The following COBL variants were observed in gnomAD, a reference collection of about 807,000 sequenced individuals.
COBL encodes cordon-bleu WH2 repeat protein.
In COBL, 51 loss-of-function variants were observed where a neutral mutation model predicts 98.8. That is an observed-to-expected ratio of 0.52 (90% CI 0.41 to 0.65). The LOEUF is 0.65. COBL is among the 30% of genes least tolerant of loss of function. COBL has a pLI of 0.00. For missense variants in COBL, 1,617 were observed against 1,617.5 expected (o/e 1.00, Z 0.01); for synonymous variants, 634 against 651.7 (o/e 0.97, Z 0.41).
At chr7:51,022,740 A>G (rs1787064407) in intron 12 of COBL, 1 of 152,216 alleles carries the variant, frequency 6.6e-6, no homozygotes, top group African/African-American at 2.4e-5. Flanking sequence ...GGTAAAAGAA[A>G]AAGATACAGA....
chr7:51,116,758 C>T (rs1474461158), intron 6 of COBL, among the ~76,000 whole-genome samples: 1 of 151,942 alleles, frequency 6.6e-6, no homozygotes, highest in African/African-American at 2.4e-5. Flanking sequence ...GGTCTAATGG[C>T]AATTCTTTAT....
At chr7:51,196,269 T>C (rs1469462767) in intron 2 of COBL, among the ~76,000 whole-genome samples, 1 of 152,212 alleles carries the variant, frequency 6.6e-6, no homozygotes, top group African/African-American at 2.4e-5. Flanking sequence ...GTGGTGTTTG[T>C]CTTTTGTTCT....
chr7:51,060,844 G>A (rs1283856680), intron 7 of COBL, among the ~76,000 whole-genome samples: 1 of 152,174 alleles, frequency 6.6e-6, no homozygotes, highest in Non-Finnish European at 1.5e-5. Context: ...GTCAACAGGC[G>A]AAGAAGGGGT....
intron 5 of COBL, among the ~76,000 whole-genome samples, chr7:51,182,715 G>A (rs2129051348): frequency 6.6e-6 from 1 of 152,192 alleles, no homozygotes; most frequent in East Asian, 1.9e-4. Flanking sequence ...AAAATGTCAG[G>A]GAGCCAAAGG....
At chr7:51,137,226 G>A (rs1022993461) in intron 5 of COBL, among the ~76,000 whole-genome samples, 1 of 152,202 alleles carries the variant, frequency 6.6e-6, no homozygotes, top group African/African-American at 2.4e-5. Flanking sequence ...TAAGCCCACA[G>A]ACCTTGGAGA....
chr7:51,297,778 T>A (rs889015530), intron 1 of COBL, among the ~76,000 whole-genome samples: 5 of 152,098 alleles, frequency 3.3e-5, no homozygotes, highest in African/African-American at 9.7e-5. Flanking sequence ...AAGCCAACCA[T>A]CAGAAAGGTT....
chr7:51,029,070 T>C lies in COBL; in HGVS notation c.2026A>G (p.Ser676Gly), dbSNP rs371012992. ...GCCAAGGCAGCGTTTTTATCGTTGC[T>C]GTCCTTTTCATTCACCGGTTGGGAA... is the stretch of plus-strand genomic sequence containing the variant. Reference protein sequence around the residue: ...VNSQPVNEKDSNDKNAALAPT... With the variant: ...VNSQPVNEKDGNDKNAALAPT... The change falls in exon 10 of 13, where the codon AGC becomes GGC. Residue 676 changes from serine (S) to glycine (G), a missense_variant. Coordinates refer to ENST00000265136, the MANE Select transcript of COBL (RefSeq NM_015198.5). 6.2e-7 allele frequency: 1 copy of C among 1,614,222 alleles called. No homozygotes were observed. Among genetic ancestry groups the C allele is most frequent in the East Asian group, 2.2e-5 (1 of 44,872 alleles).
intron 12 of COBL, chr7:51,018,428 G>A (rs1786517132): frequency 6.6e-6 from 1 of 152,154 alleles, no homozygotes; most frequent in East Asian, 1.9e-4. Flanking sequence ...CTTGACACTG[G>A]GCGCACCTGC....
At chr7:51,041,442 A>G (rs1789178333) in intron 8 of COBL, among the ~76,000 whole-genome samples, 1 of 151,198 alleles carries the variant, frequency 6.6e-6, no homozygotes, top group South Asian at 2.1e-4. Flanking sequence ...CTGGCTTATG[A>G]ACTATTTCTT....
rs1787821422 is a variant in COBL at position 51,028,544 on chromosome 7, G to A, written c.2552C>T (p.Thr851Ile). The stretch of plus-strand genomic sequence containing the variant: ...AGGCTTGAGAAATGTGACTTCTGTG[G>A]TGTGAGCTGCTGGCACCCTCACGTG... ...MGHVRVPAAH[T>I]TEVTFLKPQR... Residue 851 changes from threonine to isoleucine, a missense_variant, in exon 10 of 13, where the codon ACC becomes ATC. Thr to Ile is a moderately conservative substitution (Grantham distance 89, BLOSUM62 -1). Around this residue, in one of 3 missense-constraint regions of COBL, gnomAD observed 1,304 missense variants for 1,282.0 expected, o/e 1.02. Transcript: ENST00000265136. 2 of 1,614,280 alleles carry A rather than the reference G, an allele frequency of 1.2e-6. No individual in the cohort carries two copies. The highest frequency in any genetic ancestry group is 1.7e-6 in the Non-Finnish European group (2 of 1,180,060).
chr7:51,128,229 G>T (rs1195148502), intron 6 of COBL, among the ~76,000 whole-genome samples: 1 of 152,134 alleles, frequency 6.6e-6, no homozygotes, highest in Non-Finnish European at 1.5e-5. Context: ...GCTCAGCCTG[G>T]TCTGAGACTC....
At chr7:51,277,423 C>T (rs943163553) in intron 1 of COBL, among the ~76,000 whole-genome samples, 12 of 152,058 alleles carry the variant, frequency 7.9e-5, no homozygotes, top group Non-Finnish European at 1.6e-4. Context: ...TAGCTGAAGA[C>T]GACGTGGGAA....
intron 7 of COBL, among the ~76,000 whole-genome samples, chr7:51,077,479 CTATACAAGGTGACAGCAGGGAGCACGAG>C (rs1793204323): frequency 6.6e-6 from 1 of 152,194 alleles, no homozygotes; most frequent in African/African-American, 2.4e-5. Context: ...AATCTCAGTT[CTATACAAGGTGACAGCAGGGAGCACGAG>C]TTTGTTCTTT....
At chr7:51,279,548 T>C (rs1170107679) in intron 1 of COBL, among the ~76,000 whole-genome samples, 1 of 152,140 alleles carries the variant, frequency 6.6e-6, no homozygotes, top group Admixed American at 6.5e-5. Flanking sequence ...CCCTCTGACC[T>C]TACACATGCA....
In COBL at chr7:51,105,719, G is replaced by A. The variant is rs934000949; in HGVS notation, c.958-20415C>T. ...TGAGCTGTGATCGTTCTACTGCACT[G>A]CACTCCAGCCTGGGCAACAGAACAA... On this transcript the variant is annotated intron_variant, in intron 6 of 12. Transcript: ENST00000265136. Among the ~76,000 whole-genome samples the A allele has an allele frequency of 2.2e-4, 34 of 152,000 alleles. 1 individual carries two copies. Among genetic ancestry groups the A allele is most frequent in the Middle Eastern group, 3.4e-3 (1 of 294 alleles).
At chr7:51,058,214 C>T (rs1325652950) in intron 7 of COBL, among the ~76,000 whole-genome samples, 1 of 151,804 alleles carries the variant, frequency 6.6e-6, no homozygotes, top group Non-Finnish European at 1.5e-5. Context: ...GCACTTTGTA[C>T]TCAACAGATT....
At chr7:51,035,270 C>T (rs1453177615) in intron 8 of COBL, 1 of 152,024 alleles carries the variant, frequency 6.6e-6, no homozygotes, top group Non-Finnish European at 1.5e-5. Flanking sequence ...GGAGAATGGG[C>T]TGAATCTGAC....
At chr7:51,312,059 C>T (rs1026971686) in intron 1 of COBL, among the ~76,000 whole-genome samples, 3 of 151,994 alleles carry the variant, frequency 2.0e-5, no homozygotes, top group Admixed American at 1.3e-4. Context: ...GGCAGTGGCT[C>T]ACACCTGTAA....
chr7:51,064,956 TTCC>T (rs2128915416), intron 7 of COBL: 1 of 593,504 alleles, frequency 1.7e-6, no homozygotes, highest in East Asian at 2.8e-5. Context: ...CAGGCTCATT[TTCC>T]TCTCTATTAG....
Sources: allele counts gnomAD v4.1 joint callset (sites outside exome capture counted in the v4.1 genomes callset), GRCh38; gene constraint gnomAD v4.1.1; regional missense constraint gnomAD v4.1.1; transcripts MANE v1.5; gene names NCBI Gene and HGNC (gene_info 2026-07-23, HGNC 2026-07-21).